The following TCN2 variants were observed in gnomAD, a reference collection of about 807,000 sequenced individuals.
TCN2 encodes transcobalamin-2.
A neutral mutation model predicts 48.6 loss-of-function variants in TCN2; 34 were observed. That is an observed-to-expected ratio of 0.70 (90% confidence interval 0.53 to 0.93). The LOEUF is 0.93. TCN2 is among the 40% of genes least tolerant of loss of function. TCN2 has a pLI of 0.00. For missense variants in TCN2, 652 were observed against 526.1 expected, an observed-to-expected ratio of 1.24 and a Z score of -2.34; for synonymous variants, 283 against 212.5, an observed-to-expected ratio of 1.33 and a Z score of -2.89.
intron 2 of TCN2, among the ~76,000 whole-genome samples, chr22:30,612,655 C>A (rs913611525): frequency 6.6e-6 from 1 of 152,124 alleles, no homozygotes; most frequent in Non-Finnish European, 1.5e-5. Flanking sequence ...ACACAGGAGC[C>A]CTTGGAGTTT....
Position 30,617,637 on chromosome 22 carries a change from T to G in TCN2, c.1106+142T>G, listed in dbSNP as rs1038699741. On this transcript the variant is annotated intron_variant, in intron 7 of 8. Transcript: ENST00000215838. ...TTCTGCTTCTACCTGCTCAGCTCCT[T>G]TCTTGCCCACGGTGTTATGGAAACA... 15 of 1,135,612 alleles carry G rather than the reference T, an allele frequency of 1.3e-5. No homozygotes were observed. In the East Asian group the frequency reaches 3.6e-4, roughly 27 times the overall value. 70.3% of individuals were successfully genotyped at this position (1,135,612 alleles called of 1,614,324 possible).
In TCN2 at chr22:30,607,537, C is replaced by T. The variant is rs569862923; in HGVS notation, c.64+142C>T. ...AGCTGGACCTCAGCATTTAACACAT[C>T]CTATTGTGATTGATTATATGTTTGA... is the stretch of plus-strand genomic sequence containing the variant. On this transcript the variant is annotated intron_variant, in intron 1 of 8. Transcript: ENST00000215838. 1.8e-4 allele frequency: 140 copies of T among 764,976 alleles called. 1 individual carries two copies. The South Asian group carries it at 2.3e-3, about 12-fold the overall frequency. 47.4% of individuals were successfully genotyped at this position (764,976 alleles called of 1,614,324 possible).
Position 30,613,046 on chromosome 22 carries a change from A to G in TCN2, c.427+4A>G, listed in dbSNP as rs773156380. The G allele has an allele frequency of 6.2e-7, 1 of 1,613,830 alleles. No homozygotes were observed. Among genetic ancestry groups the G allele is most frequent in the Non-Finnish European group, 8.5e-7 (1 of 1,179,854 alleles). On this transcript the variant is annotated splice_donor_region_variant and intron_variant, in intron 3 of 8. Transcript: ENST00000215838. ...GAGGATGAGAAGAGAGCCATTGGTG[A>G]GCAGACACCATCCGCTGGGGGTGGG... is the stretch of plus-strand genomic sequence containing the variant.
At position 30,615,634 on chromosome 22, in the gene TCN2, C is replaced by G. The variant is rs201848801; in HGVS notation, c.787C>G (p.Leu263Val). Residue 263 changes from leucine (L) to valine (V), a missense_variant, in exon 6 of 9, where the codon CTG (leucine) becomes GTG (valine). Leu to Val is a conservative substitution (Grantham distance 32, BLOSUM62 1). Transcript: ENST00000215838. ...LMTSPMRGAELGTACLKARVA... is the reference protein window; with the variant it reads ...LMTSPMRGAEVGTACLKARVA... The stretch of plus-strand genomic sequence containing the variant: ...GACTTCCCCCATGCGTGGGGCAGAA[C>G]TGGGAACAGCATGTCTCAAGGCGAG... 112 of 1,614,072 alleles carry G rather than the reference C, an allele frequency of 6.9e-5. No homozygotes were observed. Among genetic ancestry groups the G allele is most frequent in the Non-Finnish European group, 9.2e-5 (108 of 1,180,028 alleles).
intron 2 of TCN2, 156 bp downstream of exon 2, chr22:30,611,219 G>C: frequency 1.1e-6 from 1 of 892,992 alleles, no homozygotes; most frequent in Non-Finnish European, 1.8e-6. Context: ...ATAGAATGAA[G>C]GGGTTGGTTG....
At chr22:30,622,829 G>T (rs2087718473) in intron 7 of TCN2, 139 bp from the exon 8 acceptor site, 3 of 823,010 alleles carry the variant, frequency 3.6e-6, no homozygotes, top group African/African-American at 3.4e-5. Flanking sequence ...CAGACCTGTG[G>T]CCAGGTGGCC....
At chr22:30,622,856 A>T in intron 7 of TCN2, 112 bp from the exon 8 acceptor site, 1 of 1,118,880 alleles carries the variant, frequency 8.9e-7, no homozygotes, top group Non-Finnish European at 1.4e-6. Context: ...GGGTTTGACG[A>T]GTGTCGGCCC....
Position 30,623,072 on chromosome 22 carries a change from CACT to C in TCN2, c.1212_1214del (p.Leu406del), listed in dbSNP as rs2087722105. On this transcript the variant is annotated inframe_deletion, in exon 8 of 9. Coordinates refer to ENST00000215838, the MANE Select transcript of TCN2 (RefSeq NM_000355.4). ...CAGCTTCTCCGAGACCCCAACACCC[CACT>C]GTTGCAAGGTGAGTCATGGCCTGAC... The C allele has an allele frequency of 1.2e-6, 2 of 1,613,966 alleles. No individual in the cohort carries two copies. Among genetic ancestry groups the C allele is most frequent in the Non-Finnish European group, 1.7e-6 (2 of 1,179,998 alleles).
At chr22:30,610,490 CTG>C (rs1423502881) in intron 1 of TCN2, among the ~76,000 whole-genome samples, 1 of 152,234 alleles carries the variant, frequency 6.6e-6, no homozygotes, top group Non-Finnish European at 1.5e-5. Flanking sequence ...GTTTCCTCTT[CTG>C]TGCAAAGCAA....
Position 30,627,255 on chromosome 22 carries a change from A to G in TCN2, c.*734A>G, listed in dbSNP as rs1321049383. The G allele has an allele frequency of 6.4e-6, 1 of 156,216 alleles. No homozygotes were observed. Among genetic ancestry groups the G allele is most frequent in the Non-Finnish European group, 1.4e-5 (1 of 70,474 alleles). The allele number at this position is 156,216 out of a possible 1,614,324, so 9.7% of individuals were successfully genotyped here. A position where few individuals can be genotyped will look rare whatever the true frequency, so the allele number is the denominator to read the frequency against. On this transcript the variant is annotated 3_prime_UTR_variant, in exon 9 of 9. Transcript: ENST00000215838. ...CTATGACTGAGCACTCACTCGCTAGATACTATCTTGAACTGCTCTGTGAGG... is the reference window on the plus strand; with the variant it reads ...CTATGACTGAGCACTCACTCGCTAGGTACTATCTTGAACTGCTCTGTGAGG...
At position 30,623,781 on chromosome 22, in the gene TCN2, T is replaced by TACACACAC. The variant is rs1555896197; in HGVS notation, c.1222+699_1222+700insCACACACA. Among the ~76,000 whole-genome samples, 7 of 10,162 alleles carry TACACACAC rather than the reference T, an allele frequency of 6.9e-4. 3 individuals are homozygous for TACACACAC. The highest frequency in any genetic ancestry group is 4.2e-3 in the African/African-American group (5 of 1,182). The allele number at this position is 10,162 out of a possible 152,430, so 6.7% of individuals were successfully genotyped here. On this transcript the variant is annotated intron_variant, in intron 8 of 8. Coordinates refer to ENST00000215838, the MANE Select transcript of TCN2 (RefSeq NM_000355.4). ...ATGTATATATATATACACACATATA[T>TACACACAC]ATGTATACATATATACACACATACA...
intron 4 of TCN2, among the ~76,000 whole-genome samples, chr22:30,614,899 T>G (rs1204703061): frequency 6.6e-6 from 1 of 151,988 alleles, no homozygotes; most frequent in Non-Finnish European, 1.5e-5. Context: ...ACAGAGTGAG[T>G]GAGACTCTGT....
chr22:30,610,637 C>G (rs1002886249), intron 1 of TCN2, among the ~76,000 whole-genome samples: 10 of 152,202 alleles, frequency 6.6e-5, no homozygotes, highest in African/African-American at 2.4e-4. Flanking sequence ...TATCTTCAGC[C>G]CACCACCTCT....
chr22:30,610,734 C>T (rs2087525014), intron 1 of TCN2, 137 bp from the exon 2 acceptor site: 2 of 834,704 alleles, frequency 2.4e-6, no homozygotes, highest in African/African-American at 3.4e-5. Flanking sequence ...CTGCATTTCC[C>T]CCTGCAAGTT....
At position 30,609,849 on chromosome 22, in the gene TCN2, T is replaced by C. The variant is rs575819986; in HGVS notation, c.65-1022T>C. Among the ~76,000 whole-genome samples, 18 of 152,228 alleles carry C rather than the reference T, an allele frequency of 1.2e-4. No individual in the cohort carries two copies. In the South Asian group the frequency reaches 3.7e-3, roughly 32 times the overall value. On this transcript the variant is annotated intron_variant, in intron 1 of 8. Coordinates refer to ENST00000215838, the MANE Select transcript of TCN2 (RefSeq NM_000355.4). Reference sequence around the variant, plus strand: ...GATGGTCACCTTATAGCAACAGGTATCTGGGGCTGTCGGGAAAACAGACAC... The same window carrying C: ...GATGGTCACCTTATAGCAACAGGTACCTGGGGCTGTCGGGAAAACAGACAC...
intron 1 of TCN2, among the ~76,000 whole-genome samples, chr22:30,608,668 G>A (rs760103620): frequency 3.3e-5 from 5 of 152,020 alleles, no homozygotes; most frequent in Non-Finnish European, 7.3e-5. Context: ...GAGATTACAG[G>A]CGTGAGCCAC....
chr22:30,616,112 G>C (rs1418100787), intron 6 of TCN2, among the ~76,000 whole-genome samples: 1 of 152,144 alleles, frequency 6.6e-6, no homozygotes, highest in Non-Finnish European at 1.5e-5. Flanking sequence ...AATACAACAT[G>C]ATAAGCCCCA....
chr22:30,616,934 T>G (rs2087620105), intron 6 of TCN2, among the ~76,000 whole-genome samples: 1 of 151,404 alleles, frequency 6.6e-6, no homozygotes, highest in South Asian at 2.1e-4. Flanking sequence ...TGAGTGGGAG[T>G]GGAAAGCAGA....
chr22:30,618,293 T>C (rs983012633), intron 7 of TCN2, among the ~76,000 whole-genome samples: 1 of 150,602 alleles, frequency 6.6e-6, no homozygotes, highest in Non-Finnish European at 1.5e-5. Context: ...TGAGACAGAG[T>C]CTCACTCTAT....
Sources: gnomAD v4.1 joint callset for allele counts (sites outside exome capture counted in the v4.1 genomes callset) on GRCh38, gnomAD v4.1.1 for gene constraint, MANE v1.5 for transcripts, NCBI Gene and HGNC (gene_info 2026-07-23, HGNC 2026-07-21) for gene names.